Variants in RPS29 observed in about 807,000 individuals in gnomAD.
The protein encoded by RPS29 is small ribosomal subunit protein uS14.
For missense variants in RPS29, 60 were observed against 75.7 expected (o/e 0.79, Z 0.77); for synonymous variants, 37 against 26.9 (o/e 1.37, Z -1.16).
At chr14:49,584,778 T>G (rs10139832) in intron 2 of RPS29, among the ~76,000 whole-genome samples, 1 of 125,604 alleles carries the variant, frequency 8.0e-6, no homozygotes, top group African/African-American at 3.1e-5. Flanking sequence ...AAAAAAAAAA[T>G]TTACATCATT....
downstream of RPS29, among the ~76,000 whole-genome samples, chr14:49,578,583 C>T (rs1346258453): frequency 1.6e-4 from 2 of 12,820 alleles, no homozygotes; most frequent in Non-Finnish European, 5.3e-4. Context: ...TTTTTTGAGA[C>T]AGGGTCTCAC....
intron 1 of RPS29, chr14:49,598,109 C>T: frequency 2.7e-6 from 1 of 371,488 alleles, no homozygotes; most frequent in East Asian, 4.3e-5. Flanking sequence ...TTCTGAACGT[C>T]ATTTTACCAT....
At chr14:49,586,572 A>T, upstream of RPS29, 1 of 558,018 alleles carries the variant, frequency 1.8e-6, no homozygotes, top group East Asian at 3.0e-5. Flanking sequence ...CTGCGCCGGT[A>T]TCCGACCGCC....
downstream of RPS29, among the ~76,000 whole-genome samples, chr14:49,581,629 T>G (rs1297871097): frequency 6.6e-6 from 1 of 152,172 alleles, no homozygotes; most frequent in African/African-American, 2.4e-5. Context: ...TTCTCCCGCC[T>G]AGGCCTCCCC....
chr14:49,574,511 C>A (rs1318567335), exon 3 of RPS29: 1 of 152,130 alleles, frequency 6.6e-6, no homozygotes, highest in East Asian at 1.9e-4. Flanking sequence ...GGCAGAACCA[C>A]TGTAAGATAC....
In RPS29 at chr14:49,586,126, C is replaced by T. The variant is rs1284235284; in HGVS notation, c.63-77G>A. On this transcript the variant is annotated intron_variant, in intron 1 of 2. Transcript: ENST00000245458. The stretch of plus-strand genomic sequence containing the variant: ...GCACTCAGACGGCTACTACCCGCAT[C>T]CCGGGACTCCCAAGCCACAGTACAG... The T allele has an allele frequency of 2.5e-5, 36 of 1,435,618 alleles. 1 individual carries two copies. In the South Asian group the frequency reaches 3.4e-4, roughly 14 times the overall value. 88.9% of individuals were successfully genotyped at this position (1,435,618 alleles called of 1,614,324 possible).
chr14:49,580,454 G>A (rs1210906735), downstream of RPS29, among the ~76,000 whole-genome samples: 1 of 152,160 alleles, frequency 6.6e-6, no homozygotes, highest in African/African-American at 2.4e-5. Context: ...TACACCTGGG[G>A]TTCAGGGTTA....
downstream of RPS29, among the ~76,000 whole-genome samples, chr14:49,579,809 C>T (rs1399872826): frequency 6.6e-6 from 1 of 152,170 alleles, no homozygotes; most frequent in Admixed American, 6.5e-5. Flanking sequence ...TCTAACCATA[C>T]AATAAGTGTG....
chr14:49,571,307 G>C (rs1420157412), exon 3 of RPS29: 1 of 152,226 alleles, frequency 6.6e-6, no homozygotes, highest in Non-Finnish European at 1.5e-5. Context: ...AAGTTCAATA[G>C]ACTTGTGTTT....
chr14:49,580,410 T>C (rs542453013), downstream of RPS29, among the ~76,000 whole-genome samples: 12 of 152,306 alleles, frequency 7.9e-5, no homozygotes, highest in African/African-American at 2.6e-4. Flanking sequence ...GGCTCTTTCC[T>C]AGACACTTCC....
intron 1 of RPS29, among the ~76,000 whole-genome samples, chr14:49,591,583 A>G: frequency 6.7e-6 from 1 of 149,818 alleles, no homozygotes; most frequent in East Asian, 2.0e-4. Flanking sequence ...AAGTGCTGGG[A>G]TTACAGGGAT....
intron 1 of RPS29, chr14:49,598,226 C>A: frequency 1.7e-6 from 1 of 580,276 alleles, no homozygotes; most frequent in Admixed American, 3.3e-5. Flanking sequence ...AAGACCACGA[C>A]CCCGACCGTG....
upstream of RPS29, among the ~76,000 whole-genome samples, chr14:49,589,047 T>C (rs1404294256): frequency 1.3e-5 from 2 of 151,890 alleles, no homozygotes; most frequent in African/African-American, 4.8e-5. Context: ...CCCGCCACCA[T>C]GCCCGGCTAA....
exon 3 of RPS29, chr14:49,572,243 C>G (rs1459463721): frequency 6.6e-6 from 1 of 152,296 alleles, no homozygotes; most frequent in Non-Finnish European, 1.5e-5. Flanking sequence ...AGCCACGGCA[C>G]CCAGCCAAAC....
downstream of RPS29, among the ~76,000 whole-genome samples, chr14:49,582,012 C>CAAAAAAAAAAAAAAAAAAAA (rs58507206): frequency 3.8e-5 from 4 of 106,530 alleles, no homozygotes; most frequent in African/African-American, 1.4e-4. Flanking sequence ...CCCTGCCCCC[C>CAAAAAAAAAAAAAAAAAAAA]AAAAAAAAAA....
chr14:49,595,103 C>T (rs947083778), intron 1 of RPS29, among the ~76,000 whole-genome samples: 1 of 152,128 alleles, frequency 6.6e-6, no homozygotes, highest in Non-Finnish European at 1.5e-5. Flanking sequence ...TATTTTTCTC[C>T]AGTCTTTTTT....
chr14:49,582,382 T>A (rs190419349), downstream of RPS29, among the ~76,000 whole-genome samples: 21 of 152,332 alleles, frequency 1.4e-4, no homozygotes, highest in Admixed American at 1.0e-3. Flanking sequence ...ATTTCTCTGA[T>A]TCCATCCAGG....
rs552046173 is a variant in RPS29 at position 49,598,598 on chromosome 14, G to T, written c.-331C>A. The T allele has an allele frequency of 1.3e-5, 9 of 701,786 alleles. No homozygotes were observed. The African/African-American group carries it at 1.6e-4, about 12-fold the overall frequency. 43.5% of individuals were successfully genotyped at this position (701,786 alleles called of 1,614,324 possible). A position where few individuals can be genotyped will look rare whatever the true frequency, so the allele number is the denominator to read the frequency against. On this transcript the variant is annotated 5_prime_UTR_variant, in exon 1 of 4. Coordinates refer to the RPS29 transcript ENST00000556230. Reference sequence around the variant, plus strand: ...AAGTGCCTTTCCCTGTAACGCAGAGGCACACCTGCCTTCCCTCGGGAAACA... The same window carrying T: ...AAGTGCCTTTCCCTGTAACGCAGAGTCACACCTGCCTTCCCTCGGGAAACA...
chr14:49,590,445 T>C (rs1196055077), upstream of RPS29, among the ~76,000 whole-genome samples: 1 of 151,836 alleles, frequency 6.6e-6, no homozygotes, highest in African/African-American at 2.4e-5. Context: ...CACTGCACTC[T>C]GGCCTGGGCA....
Sources: allele counts gnomAD v4.1 joint callset (sites outside exome capture counted in the v4.1 genomes callset), GRCh38; gene constraint gnomAD v4.1.1; transcripts MANE v1.5; gene names NCBI Gene and HGNC (gene_info 2026-07-23, HGNC 2026-07-21).